CSMD3: variants seen among roughly 807,000 people sequenced by gnomAD.
CSMD3 encodes CUB and sushi domain-containing protein 3.
A neutral mutation model predicts 435.2 loss-of-function variants in CSMD3; 177 were observed. That is an observed-to-expected ratio of 0.41 (90% CI 0.36 to 0.46). The LOEUF is 0.46. Ranked by LOEUF, CSMD3 falls within the 20% of genes least tolerant of loss-of-function variation. The pLI, the probability that CSMD3 is intolerant of heterozygous loss-of-function variation, is 0.34. For missense variants in CSMD3, 4,265 were observed against 4,504.6 expected, an observed-to-expected ratio of 0.95 and a Z score of 1.52; for synonymous variants, 1,656 against 1,520.5, an observed-to-expected ratio of 1.09 and a Z score of -2.07.
intron 5 of CSMD3, among the ~76,000 whole-genome samples, chr8:113,089,642 C>A (rs897798811): frequency 6.6e-6 from 1 of 152,026 alleles, no homozygotes; most frequent in Non-Finnish European, 1.5e-5. Flanking sequence ...TCATTAAAAT[C>A]ATCTGGTTTT....
At chr8:113,187,492 A>C (rs2092524354) in intron 3 of CSMD3, among the ~76,000 whole-genome samples, 1 of 151,998 alleles carries the variant, frequency 6.6e-6, no homozygotes, top group Non-Finnish European at 1.5e-5. Flanking sequence ...AAATACTGGA[A>C]ACTTCTGTAG....
chr8:112,276,059 A>G (rs1818005601), intron 59 of CSMD3, among the ~76,000 whole-genome samples: 1 of 152,190 alleles, frequency 6.6e-6, no homozygotes, highest in Admixed American at 6.5e-5. Flanking sequence ...TACTTCCTAG[A>G]TACAATGGGG....
intron 22 of CSMD3, among the ~76,000 whole-genome samples, chr8:112,592,865 A>T (rs1831317325): frequency 1.3e-5 from 2 of 152,176 alleles, no homozygotes; most frequent in Admixed American, 1.3e-4. Flanking sequence ...AAAAAGAGGC[A>T]GACATGGAAA....
chr8:113,000,068 C>T (rs1243043179), intron 6 of CSMD3, among the ~76,000 whole-genome samples: 1 of 151,908 alleles, frequency 6.6e-6, no homozygotes, highest in Non-Finnish European at 1.5e-5. Context: ...TGACCCAGAA[C>T]TTTAGGCAGA....
intron 19 of CSMD3, 27 bp downstream of exon 19, chr8:112,650,133 AT>A: frequency 6.7e-7 from 1 of 1,484,764 alleles, no homozygotes; most frequent in South Asian, 1.1e-5. Flanking sequence ...ATAAATCAGC[AT>A]ATTTTGCATG....
chr8:112,282,997 T>C (rs1270763729), intron 58 of CSMD3, among the ~76,000 whole-genome samples: 1 of 152,086 alleles, frequency 6.6e-6, no homozygotes, highest in African/African-American at 2.4e-5. Context: ...AAGCACTTAA[T>C]ATGTCACAGC....
intron 4 of CSMD3, among the ~76,000 whole-genome samples, chr8:113,135,455 G>A (rs1391855341): frequency 6.6e-6 from 1 of 151,652 alleles, no homozygotes; most frequent in Non-Finnish European, 1.5e-5. Context: ...CTACATATGA[G>A]TTGACTGCAT....
intron 4 of CSMD3, among the ~76,000 whole-genome samples, chr8:113,138,000 A>C (rs1202315047): frequency 1.3e-5 from 2 of 151,550 alleles, no homozygotes; most frequent in African/African-American, 2.4e-5. Context: ...AAACTTACTT[A>C]ACATTTCTGA....
intron 17 of CSMD3, among the ~76,000 whole-genome samples, chr8:112,663,475 G>A (rs557169970): frequency 5.4e-5 from 7 of 128,884 alleles, no homozygotes; most frequent in East Asian, 5.7e-4. Flanking sequence ...ATCACACACC[G>A]GGGCCTGTTG....
chr8:113,237,387 G>A (rs1222844939), intron 3 of CSMD3, among the ~76,000 whole-genome samples: 6 of 152,154 alleles, frequency 3.9e-5, no homozygotes, highest in Non-Finnish European at 7.3e-5. Context: ...AATCTACATT[G>A]GTATAATGCT....
intron 5 of CSMD3, among the ~76,000 whole-genome samples, chr8:113,057,511 C>G (rs955882063): frequency 2.0e-5 from 3 of 151,946 alleles, no homozygotes; most frequent in Admixed American, 2.0e-4. Context: ...TTTACCAGAA[C>G]ATAAATTTAG....
intron 5 of CSMD3, among the ~76,000 whole-genome samples, chr8:113,097,892 C>T (rs984116899): frequency 1.3e-5 from 2 of 152,060 alleles, no homozygotes; most frequent in African/African-American, 2.4e-5. Flanking sequence ...TTTGATTATA[C>T]ATCATCAGTA....
chr8:112,645,060 A>C (rs200976619), intron 20 of CSMD3, 49 bp downstream of exon 20: 85 of 946,598 alleles, frequency 9.0e-5, no homozygotes, highest in African/African-American at 3.5e-4. Flanking sequence ...GAATAGACTC[A>C]ATGAAAATTC....
intron 1 of CSMD3, among the ~76,000 whole-genome samples, chr8:113,406,687 A>G (rs11987699): frequency 0.018 from 2,742 of 152,026 alleles, 95 homozygotes; most frequent in African/African-American, 0.06. Context: ...TTTCTGATCT[A>G]TTGTAATCTA....
intron 11 of CSMD3, among the ~76,000 whole-genome samples, chr8:112,832,221 A>C (rs2132491138): frequency 6.6e-6 from 1 of 152,296 alleles, no homozygotes; most frequent in Middle Eastern, 3.4e-3. Context: ...GCAGAATTCT[A>C]AGATGTCTTC....
intron 4 of CSMD3, among the ~76,000 whole-genome samples, chr8:113,103,944 A>T (rs2090402173): frequency 6.6e-6 from 1 of 152,050 alleles, no homozygotes; most frequent in South Asian, 2.1e-4. Context: ...TAAATGTATG[A>T]CCTTGTTTTG....
At chr8:112,237,058 A>C (rs1813654792) in intron 67 of CSMD3, 132 bp downstream of exon 67, 1 of 989,930 alleles carries the variant, frequency 1.0e-6, no homozygotes, top group Non-Finnish European at 1.6e-6. Context: ...TTCTGAGTGA[A>C]TATGAATGTC....
At chr8:113,098,595 G>A (rs956805606) in intron 5 of CSMD3, 161 bp downstream of exon 5, 7 of 609,866 alleles carry the variant, frequency 1.1e-5, no homozygotes, top group African/African-American at 1.9e-5. Flanking sequence ...TAAATAGCTC[G>A]ATCTTCAAAA....
At position 113,312,777 on chromosome 8, in the gene CSMD3, A is replaced by G. The variant is rs2093879213; in HGVS notation, c.401+1794T>C. 2.0e-5 allele frequency: 3 copies of G among 152,232 alleles called. No homozygotes were observed. In the South Asian group the frequency reaches 6.2e-4, roughly 31 times the overall value. The allele number at this position is 152,232 out of a possible 1,614,324, so 9.4% of individuals were successfully genotyped here. On this transcript the variant is annotated intron_variant, in intron 2 of 70. Transcript: ENST00000297405. Reference sequence around the variant, plus strand: ...TAACAAAAGACACCAGCTTTTAATGACAGTGGCAATGATGATCAAACAGCA... The same window carrying G: ...TAACAAAAGACACCAGCTTTTAATGGCAGTGGCAATGATGATCAAACAGCA...
Sources: allele counts gnomAD v4.1 joint callset (sites outside exome capture counted in the v4.1 genomes callset), GRCh38; gene constraint gnomAD v4.1.1; transcripts MANE v1.5; gene names NCBI Gene and HGNC (gene_info 2026-07-23, HGNC 2026-07-21).